The following TG variants were observed in gnomAD, a reference collection of about 807,000 sequenced individuals.
TG encodes the protein thyroid hormones.
In TG, 270 loss-of-function variants were observed where a neutral mutation model predicts 324.7. The ratio of observed to expected loss-of-function variants is 0.83; its 90% CI spans 0.75 to 0.92. The LOEUF is 0.92. TG is among the 40% of genes least tolerant of loss of function. The pLI is 0.00. For synonymous variants in TG, 1,401 were observed against 1,327.0 expected, an observed-to-expected ratio of 1.06 and a Z score of -1.21; for missense variants, 3,591 against 3,456.4, an observed-to-expected ratio of 1.04 and a Z score of -0.98.
At chr8:133,065,077 T>TA (rs370310858) in intron 41 of TG, among the ~76,000 whole-genome samples, 109 of 152,304 alleles carry the variant, frequency 7.2e-4, no homozygotes, top group African/African-American at 2.6e-3. Flanking sequence ...AGCCCATTCA[T>TA]ATAACCTTCT....
intron 35 of TG, among the ~76,000 whole-genome samples, chr8:133,009,818 C>T (rs1200938629): frequency 6.6e-6 from 1 of 151,368 alleles, no homozygotes; most frequent in Admixed American, 6.6e-5. Context: ...CATGTTGGCC[C>T]CCCGCTTTCA....
At chr8:133,017,588 T>G (rs772987448) in intron 37 of TG, 190 bp from the exon 38 acceptor site, 2 of 646,536 alleles carry the variant, frequency 3.1e-6, no homozygotes, top group Admixed American at 2.6e-5. Flanking sequence ...TTTTTGCCAT[T>G]TTTTTTGTTT....
intron 40 of TG, among the ~76,000 whole-genome samples, chr8:133,028,061 C>G (rs187050073): frequency 1.2e-4 from 18 of 152,322 alleles, no homozygotes; most frequent in African/African-American, 3.6e-4. Flanking sequence ...TCTGACCTCT[C>G]AGAAGTCTAG....
chr8:132,995,601 G>C, intron 35 of TG: 1 of 856,882 alleles, frequency 1.2e-6, no homozygotes, highest in Non-Finnish European at 1.4e-6. Flanking sequence ...GTGACCCCAT[G>C]AAAGAGGAGT....
At chr8:133,011,381 A>G (rs1834493234) in intron 35 of TG, among the ~76,000 whole-genome samples, 1 of 149,584 alleles carries the variant, frequency 6.7e-6, no homozygotes, top group South Asian at 2.1e-4. Flanking sequence ...CAGTTGGGGA[A>G]ATGAGAGCCT....
chr8:133,022,166 TG>T lies in TG; in HGVS notation c.7036+18del. ...CTGAGTTCTGGTGAGTTGCTGCCTC[TG>T]GTGGGAGCTGCTGACCCCCTGAGCC... On this transcript the variant is annotated intron_variant, in intron 40 of 47. Coordinates refer to ENST00000220616, the MANE Select transcript of TG (RefSeq NM_003235.5). The T allele has an allele frequency of 6.2e-7, 1 of 1,613,784 alleles. No homozygotes were observed. Among genetic ancestry groups the T allele is most frequent in the Non-Finnish European group, 8.5e-7 (1 of 1,179,898 alleles).
At chr8:133,088,522 C>A (rs1297676013) in intron 41 of TG, among the ~76,000 whole-genome samples, 4 of 152,140 alleles carry the variant, frequency 2.6e-5, no homozygotes, top group Non-Finnish European at 5.9e-5. Flanking sequence ...AATAGGGATT[C>A]TAATATTACA....
At chr8:132,995,018 T>C (rs1275988411) in intron 35 of TG, 7 of 966,690 alleles carry the variant, frequency 7.2e-6, no homozygotes, top group East Asian at 1.2e-4. Context: ...AGTTATGCTG[T>C]AGCGTGTGAT....
chr8:133,096,650 A>G (rs1297505906), intron 43 of TG, among the ~76,000 whole-genome samples: 1 of 152,240 alleles, frequency 6.6e-6, no homozygotes, highest in Non-Finnish European at 1.5e-5. Flanking sequence ...GCTGCAAGTT[A>G]GAATACCCAC....
chr8:133,050,942 G>A (rs1840292393), intron 41 of TG: 5 of 1,374,590 alleles, frequency 3.6e-6, no homozygotes, highest in Non-Finnish European at 5.2e-6. Context: ...AAGGGGGAAG[G>A]GGGCAAGGTG....
At chr8:132,883,086 A>T in intron 8 of TG, 87 bp downstream of exon 8, 1 of 1,452,580 alleles carries the variant, frequency 6.9e-7, no homozygotes, top group Non-Finnish European at 9.4e-7. Context: ...GACCCCATTA[A>T]TTCAACTGCC....
intron 35 of TG, among the ~76,000 whole-genome samples, chr8:132,983,927 C>G (rs1026950387): frequency 1.3e-5 from 2 of 152,174 alleles, no homozygotes; most frequent in Non-Finnish European, 2.9e-5. Context: ...TAGCCTGGAC[C>G]CAGGCTGCCC....
At chr8:133,049,763 G>A (rs980181169) in intron 41 of TG, 3 of 672,434 alleles carry the variant, frequency 4.5e-6, no homozygotes, top group African/African-American at 3.6e-5. Context: ...TTTCCTTATT[G>A]ACTGGGTTGG....
intron 11 of TG, among the ~76,000 whole-genome samples, chr8:132,894,223 G>T (rs1173846119): frequency 2.0e-5 from 3 of 152,270 alleles, no homozygotes; most frequent in Non-Finnish European, 2.9e-5. Flanking sequence ...ACCCAAGCCC[G>T]TGAATGCTCA....
At chr8:132,912,601 A>G (rs1048105647) in intron 19 of TG, among the ~76,000 whole-genome samples, 2 of 151,988 alleles carry the variant, frequency 1.3e-5, no homozygotes, top group South Asian at 4.2e-4. Flanking sequence ...TTGAGTGGCC[A>G]CTTCACACAC....
intron 41 of TG, chr8:133,039,962 CACACACACACACACACAT>C: frequency 6.6e-7 from 1 of 1,525,958 alleles, no homozygotes; most frequent in Non-Finnish European, 8.8e-7. Flanking sequence ...TGCACACACA[CACACACACACACACACAT>C]ACACACACCA....
chr8:132,979,666 A>G (rs562232196), intron 34 of TG, among the ~76,000 whole-genome samples: 8 of 152,322 alleles, frequency 5.3e-5, no homozygotes, highest in Admixed American at 5.2e-4. Context: ...TACCCCATGC[A>G]GTGCTGTGCT....
chr8:132,939,590 A>G (rs181246615), intron 25 of TG, among the ~76,000 whole-genome samples: 7 of 152,244 alleles, frequency 4.6e-5, no homozygotes, highest in Non-Finnish European at 8.8e-5. Context: ...TTGGAGATAC[A>G]TAAAACATCT....
At chr8:132,958,439 G>C (rs1016715699) in intron 27 of TG, among the ~76,000 whole-genome samples, 1 of 152,084 alleles carries the variant, frequency 6.6e-6, no homozygotes, top group Non-Finnish European at 1.5e-5. Flanking sequence ...AAGATTTAAG[G>C]CTGGGCACGG....
Sources: gnomAD v4.1 joint callset for allele counts (sites outside exome capture counted in the v4.1 genomes callset) on GRCh38, gnomAD v4.1.1 for gene constraint, MANE v1.5 for transcripts, NCBI Gene and HGNC (gene_info 2026-07-23, HGNC 2026-07-21) for gene names.